Variants in NEGR1 observed in about 807,000 individuals in gnomAD.
NEGR1 encodes IgLON family member 4.
In NEGR1, 10 loss-of-function variants were observed where a neutral mutation model predicts 40.9. That is an observed-to-expected ratio of 0.24 (90% CI 0.15 to 0.42). NEGR1 has a LOEUF of 0.42. Ranked by LOEUF, NEGR1 falls within the 10% of genes least tolerant of loss-of-function variation. The pLI, the probability that NEGR1 is intolerant of heterozygous loss-of-function variation, is 1.00. For synonymous variants in NEGR1, 185 were observed against 166.8 expected (o/e 1.11, Z -0.84); for missense variants, 352 against 438.9 (o/e 0.80, Z 1.77).
At chr1:72,224,091 A>C (rs1654099506) in intron 1 of NEGR1, among the ~76,000 whole-genome samples, 1 of 152,160 alleles carries the variant, frequency 6.6e-6, no homozygotes, top group African/African-American at 2.4e-5. Context: ...AATTAAAAAT[A>C]TTTTTGAAGA....
rs377679053 is a variant in NEGR1 at position 71,697,994 on chromosome 1, G to A, written c.667+14C>T. The A allele has an allele frequency of 1.2e-6, 2 of 1,606,140 alleles. No individual in the cohort carries two copies. The highest frequency in any genetic ancestry group is 1.7e-5 in the Admixed American group (1 of 59,044). On this transcript the variant is annotated intron_variant, in intron 4 of 6. Transcript: ENST00000357731. ...TTCTCAGAACTTATCTTGATAAAAG[G>A]TGATGACACTTACAGTTGACAACAA...
chr1:71,744,504 G>T (rs922181491), intron 3 of NEGR1, among the ~76,000 whole-genome samples: 2 of 151,896 alleles, frequency 1.3e-5, no homozygotes, highest in African/African-American at 2.4e-5. Flanking sequence ...CTTTCATGGA[G>T]CCAATAAAAA....
intron 3 of NEGR1, among the ~76,000 whole-genome samples, chr1:71,738,908 T>C (rs998765160): frequency 3.9e-5 from 6 of 152,152 alleles, no homozygotes; most frequent in Non-Finnish European, 7.4e-5. Flanking sequence ...TTACATAGCA[T>C]GAGTTCATTG....
intron 1 of NEGR1, among the ~76,000 whole-genome samples, chr1:72,158,177 C>T (rs1045876530): frequency 5.9e-5 from 9 of 152,148 alleles, no homozygotes; most frequent in East Asian, 5.8e-4. Context: ...GATAGTGGTA[C>T]GCTGTCACTT....
chr1:72,242,161 T>G (rs1001573430), intron 1 of NEGR1, among the ~76,000 whole-genome samples: 1 of 151,802 alleles, frequency 6.6e-6, no homozygotes, highest in Non-Finnish European at 1.5e-5. Context: ...TATGTTGCAT[T>G]CATATTTTTC....
At chr1:71,834,276 C>T (rs957754430) in intron 2 of NEGR1, among the ~76,000 whole-genome samples, 9 of 151,930 alleles carry the variant, frequency 5.9e-5, no homozygotes, top group Non-Finnish European at 4.4e-5. Context: ...CCATGGGGTC[C>T]CCAAATTAAA....
chr1:71,981,847 C>A (rs1646357069), intron 1 of NEGR1, among the ~76,000 whole-genome samples: 1 of 152,078 alleles, frequency 6.6e-6, no homozygotes, highest in Non-Finnish European at 1.5e-5. Flanking sequence ...ATGAAACTTT[C>A]CCTACAGTTT....
At chr1:71,901,811 C>T (rs1557693921) in intron 2 of NEGR1, among the ~76,000 whole-genome samples, 1 of 151,742 alleles carries the variant, frequency 6.6e-6, no homozygotes, top group Non-Finnish European at 1.5e-5. Flanking sequence ...GCTGCGATTA[C>T]AGGCATGTGC....
chr1:72,166,164 G>A (rs1651756927), intron 1 of NEGR1, among the ~76,000 whole-genome samples: 1 of 151,788 alleles, frequency 6.6e-6, no homozygotes, highest in South Asian at 2.1e-4. Context: ...GGGAATCTTT[G>A]AGCGCACAAC....
chr1:71,824,395 C>T (rs564305792), intron 2 of NEGR1, among the ~76,000 whole-genome samples: 196 of 151,248 alleles, frequency 1.3e-3, no homozygotes, highest in African/African-American at 4.4e-3. Context: ...GCATGGGACT[C>T]AAAATCAGAA....
chr1:71,582,215 A>G (rs1346423265), intron 6 of NEGR1, among the ~76,000 whole-genome samples: 1 of 152,214 alleles, frequency 6.6e-6, no homozygotes, highest in Non-Finnish European at 1.5e-5. Context: ...AGGAGGGTAG[A>G]TAATGTACAA....
intron 2 of NEGR1, among the ~76,000 whole-genome samples, chr1:71,803,408 GC>G (rs1483518433): frequency 2.6e-5 from 4 of 152,126 alleles, no homozygotes; most frequent in Non-Finnish European, 4.4e-5. Context: ...GGTAGCTCAA[GC>G]AGAATAATAT....
chr1:71,533,203 C>G (rs545749515), intron 6 of NEGR1, among the ~76,000 whole-genome samples: 2 of 151,628 alleles, frequency 1.3e-5, no homozygotes, highest in East Asian at 3.9e-4. Context: ...TAAAGACATG[C>G]CCTTAGAATT....
chr1:71,999,641 AT>A (rs1646537366), intron 1 of NEGR1, among the ~76,000 whole-genome samples: 1 of 34,084 alleles, frequency 2.9e-5, no homozygotes, highest in Non-Finnish European at 6.9e-5. Flanking sequence ...AAATATATAT[AT>A]ATATATATAT....
intron 1 of NEGR1, among the ~76,000 whole-genome samples, chr1:72,224,200 ACTGT>A (rs35380413): frequency 0.34 from 52,266 of 151,676 alleles, 10,284 homozygotes; most frequent in Non-Finnish European, 0.46. Context: ...TTCAACATTT[ACTGT>A]CTAAGTTCTA....
chr1:71,510,685 A>G (rs773685522), intron 6 of NEGR1, among the ~76,000 whole-genome samples: 6 of 152,302 alleles, frequency 3.9e-5, no homozygotes, highest in Admixed American at 1.3e-4. Flanking sequence ...AACTCAACCA[A>G]TGAGGAACTA....
At chr1:71,719,178 C>T (rs1654372504) in intron 3 of NEGR1, among the ~76,000 whole-genome samples, 1 of 152,070 alleles carries the variant, frequency 6.6e-6, no homozygotes, top group South Asian at 2.1e-4. Flanking sequence ...TGGCCCTTCT[C>T]GAATTTGAAA....
At chr1:71,447,088 T>A (rs1174671871) in intron 6 of NEGR1, among the ~76,000 whole-genome samples, 4 of 152,112 alleles carry the variant, frequency 2.6e-5, no homozygotes, top group African/African-American at 9.7e-5. Flanking sequence ...CAGCAGGAGG[T>A]GAGCAGCAGG....
intron 6 of NEGR1, among the ~76,000 whole-genome samples, chr1:71,445,722 T>C (rs1461818510): frequency 6.6e-6 from 1 of 152,242 alleles, no homozygotes; most frequent in African/African-American, 2.4e-5. Context: ...AATATGCGTC[T>C]TCTTACGTAC....
Sources: allele counts gnomAD v4.1 joint callset (sites outside exome capture counted in the v4.1 genomes callset), GRCh38; gene constraint gnomAD v4.1.1; transcripts MANE v1.5; gene names NCBI Gene and HGNC (gene_info 2026-07-23, HGNC 2026-07-21).